The following CYRIB variants were observed in gnomAD, a reference collection of about 807,000 sequenced individuals.
The protein encoded by CYRIB is CYFIP related Rac1 interactor B.
CYRIB carries 8 observed loss-of-function variants against 44.2 expected under a neutral mutation model. The ratio of observed to expected loss-of-function variants is 0.18; its 90% CI spans 0.11 to 0.33. The LOEUF (loss-of-function observed/expected upper bound fraction) is 0.33. Ranked by LOEUF, CYRIB falls within the 10% of genes least tolerant of loss-of-function variation. The probability of loss-of-function intolerance (pLI) is 1.00; values close to 1 mark genes in which losing one functional copy is unlikely to be tolerated. For synonymous variants in CYRIB, 131 were observed against 127.2 expected (o/e 1.03, Z -0.20); for missense variants, 185 against 382.8 (o/e 0.48, Z 4.31).
chr8:129,892,764 T>C (rs1449921731), intron 2 of CYRIB, among the ~76,000 whole-genome samples: 1 of 152,220 alleles, frequency 6.6e-6, no homozygotes, highest in East Asian at 1.9e-4. Context: ...ACTATAATAC[T>C]GTGCAAACAA....
upstream of CYRIB, among the ~76,000 whole-genome samples, chr8:129,941,071 C>A (rs1284593213): frequency 7.2e-5 from 11 of 152,038 alleles, no homozygotes; most frequent in Non-Finnish European, 5.9e-5. Flanking sequence ...TATGTAGAAA[C>A]CAAATGGTAT....
Position 129,994,301 on chromosome 8 carries a change from A to G in CYRIB, c.-296+22069T>C, listed in dbSNP as rs150465642. Among the ~76,000 whole-genome samples, 1,215 of 152,260 alleles carry G rather than the reference A, an allele frequency of 8.0e-3. 21 individuals are homozygous for G. Among genetic ancestry groups the G allele is most frequent in the African/African-American group, 0.028 (1,144 of 41,558 alleles). On this transcript the variant is annotated intron_variant, in intron 1 of 14. Coordinates refer to the CYRIB transcript ENST00000401979. ...GGTGGCATGGAACAGACTCTCCCAC[A>G]CATCCTCAAGAGGGAACCAACCCTC...
chr8:129,939,911 C>T (rs2130726144), upstream of CYRIB: 1 of 152,390 alleles, frequency 6.6e-6, no homozygotes, highest in Admixed American at 6.5e-5. Context: ...GCACGCCCGC[C>T]CCGCAAGGTA....
intron 1 of CYRIB, among the ~76,000 whole-genome samples, chr8:129,981,789 GCCCTTCA>G (rs2096248361): frequency 6.6e-6 from 1 of 152,160 alleles, no homozygotes; most frequent in Non-Finnish European, 1.5e-5. Context: ...CATTTCCAAA[GCCCTTCA>G]CCTGGAGAAC....
At chr8:129,849,087 C>T (rs1439588999) in intron 10 of CYRIB, among the ~76,000 whole-genome samples, 156 bp downstream of exon 12, 2 of 152,120 alleles carry the variant, frequency 1.3e-5, no homozygotes, top group East Asian at 3.9e-4. Context: ...ACAAGAAAAA[C>T]AGCACAGGGA....
chr8:129,858,364 A>G (rs1327165206), intron 5 of CYRIB, among the ~76,000 whole-genome samples: 2 of 152,360 alleles, frequency 1.3e-5, no homozygotes, highest in Admixed American at 1.3e-4. Context: ...GAACCAAAGG[A>G]AGCTGGCAGA....
intron 1 of CYRIB, among the ~76,000 whole-genome samples, chr8:129,920,329 C>T (rs906658549): frequency 6.6e-6 from 1 of 152,056 alleles, no homozygotes; most frequent in African/African-American, 2.4e-5. Flanking sequence ...ACAGACAAGA[C>T]ATCAATACAC....
At chr8:129,898,370 G>A (rs1287214237) in intron 2 of CYRIB, among the ~76,000 whole-genome samples, 1 of 151,994 alleles carries the variant, frequency 6.6e-6, no homozygotes, top group Non-Finnish European at 1.5e-5. Flanking sequence ...AATTTCACTG[G>A]AAAAAACTTT....
upstream of CYRIB, among the ~76,000 whole-genome samples, chr8:129,940,834 T>C (rs887725450): frequency 2.6e-5 from 4 of 152,076 alleles, no homozygotes; most frequent in Admixed American, 6.6e-5. Flanking sequence ...TATGGACTTT[T>C]CCCCCCGGGA....
intron 2 of CYRIB, among the ~76,000 whole-genome samples, chr8:129,895,413 A>C (rs1018531966): frequency 7.9e-5 from 9 of 113,908 alleles, no homozygotes. Context: ...TTGTCATAAC[A>C]GTCCAGTTTT....
intron 1 of CYRIB, among the ~76,000 whole-genome samples, chr8:129,924,291 C>T (rs867729811): frequency 7.1e-4 from 1 of 1,414 alleles, no homozygotes; most frequent in Admixed American, 0.015. Flanking sequence ...AAAAAAAAAC[C>T]GGGGGGGGGG....
intron 1 of CYRIB, among the ~76,000 whole-genome samples, chr8:129,931,017 T>C (rs938694326): frequency 5.3e-5 from 8 of 152,060 alleles, no homozygotes; most frequent in African/African-American, 1.9e-4. Context: ...TAAAAATAAA[T>C]TCAAATATAA....
At chr8:129,858,470 G>C (rs2132019165) in intron 5 of CYRIB, among the ~76,000 whole-genome samples, 1 of 152,276 alleles carries the variant, frequency 6.6e-6, no homozygotes, top group East Asian at 1.9e-4. Context: ...GCTAGGACAG[G>C]GAAGAATAAC....
rs3222125 is a variant in CYRIB, at chr8:129,877,663, G to GTGTGTGTGTGTGT, written c.73+1725_73+1726insACACACACACACA. ...GACCTCATATCAAAAAAAAAAAAAA[G>GTGTGTGTGTGTGT]GTGTGTGTGTGTGTGTGTGTGTGTG... On this transcript the variant is annotated intron_variant, in intron 3 of 11. Coordinates refer to ENST00000519824, the Ensembl canonical transcript of CYRIB. Among the ~76,000 whole-genome samples, 665 of 130,566 alleles carry GTGTGTGTGTGTGT rather than the reference G, an allele frequency of 5.1e-3. 6 individuals carry two copies. Among genetic ancestry groups the GTGTGTGTGTGTGT allele is most frequent in the African/African-American group, 0.019 (574 of 30,556 alleles). 85.7% of individuals were successfully genotyped at this position (130,566 alleles called of 152,430 possible).
At chr8:129,889,326 G>C (rs1257002362) in intron 2 of CYRIB, among the ~76,000 whole-genome samples, 7 of 152,204 alleles carry the variant, frequency 4.6e-5, no homozygotes, top group Non-Finnish European at 8.8e-5. Flanking sequence ...ATGGAAATGT[G>C]TAAGGAGATT....
At chr8:129,959,701 A>G (rs112137837) in intron 2 of CYRIB, among the ~76,000 whole-genome samples, 4 of 151,686 alleles carry the variant, frequency 2.6e-5, no homozygotes, top group African/African-American at 7.3e-5. Context: ...TACCACATCT[A>G]CTCCACTCCT....
At chr8:129,991,586 C>A (rs965550143) in intron 1 of CYRIB, among the ~76,000 whole-genome samples, 9 of 152,056 alleles carry the variant, frequency 5.9e-5, no homozygotes, top group Non-Finnish European at 1.5e-5. Context: ...TGCAGAGAGT[C>A]CCCACCAGCA....
chr8:129,888,442 C>A (rs2063658463), intron 2 of CYRIB, among the ~76,000 whole-genome samples: 1 of 152,212 alleles, frequency 6.6e-6, no homozygotes, highest in African/African-American at 2.4e-5. Flanking sequence ...AAATCTTACA[C>A]AATCTGCTCC....
intron 1 of CYRIB, among the ~76,000 whole-genome samples, chr8:129,938,033 C>A (rs2093121496): frequency 6.6e-6 from 1 of 151,976 alleles, no homozygotes; most frequent in Non-Finnish European, 1.5e-5. Flanking sequence ...TAAATACTTA[C>A]AGCAATAGCA....
Sources: allele counts gnomAD v4.1 joint callset (sites outside exome capture counted in the v4.1 genomes callset), GRCh38; gene constraint gnomAD v4.1.1; transcripts MANE v1.5; gene names NCBI Gene and HGNC (gene_info 2026-07-23, HGNC 2026-07-21).